The following MYO1D variants were observed in gnomAD, a reference collection of about 807,000 sequenced individuals.
The protein encoded by MYO1D is unconventional myosin-Id.
Under a neutral mutation model 122.0 loss-of-function variants are expected in MYO1D, and 83 were observed. The observed-to-expected ratio is 0.68, with a 90% CI of 0.57 to 0.82. The LOEUF is 0.82. Ranked by LOEUF, MYO1D falls within the 40% of genes least tolerant of loss-of-function variation. The pLI is 0.00. For synonymous variants in MYO1D, 464 were observed against 446.9 expected (o/e 1.04, Z -0.48); for missense variants, 1,157 against 1,269.5 (o/e 0.91, Z 1.35).
At chr17:32,720,146 A>G (rs963955394) in intron 15 of MYO1D, among the ~76,000 whole-genome samples, 4 of 152,146 alleles carry the variant, frequency 2.6e-5, no homozygotes, top group African/African-American at 9.7e-5. Context: ...ATTATAGAAA[A>G]TGTTCAATAA....
chr17:32,638,981 C>G, intron 19 of MYO1D, 146 bp from the exon 20 acceptor site: 1 of 564,610 alleles, frequency 1.8e-6, no homozygotes, highest in Non-Finnish European at 3.2e-6. Context: ...AGTAGCTGTT[C>G]CCATACTTGT....
rs370526370 is a variant in MYO1D, at chr17:32,494,816, G to A, written c.2964C>T (p.Pro988=). ...AGCGATTCTTGGTGAAGTCGGGCTG[G>A]GGCTGGTTGAGCCGCGTCTCCACGG... The part of the protein sequence containing the change: ...TVSVETRLNQ[P]QPDFTKNRSG... Residue 988 remains proline, a synonymous_variant, in exon 22 of 22, where the codon CCC becomes CCT. Coordinates refer to ENST00000318217, the MANE Select transcript of MYO1D (RefSeq NM_015194.3). The A allele has an allele frequency of 6.2e-7, 1 of 1,613,556 alleles. No homozygotes were observed. The highest frequency in any genetic ancestry group is 1.3e-5 in the African/African-American group (1 of 74,908).
chr17:32,671,151 A>AG (rs2088713864), intron 16 of MYO1D, among the ~76,000 whole-genome samples: 1 of 152,198 alleles, frequency 6.6e-6, no homozygotes, highest in African/African-American at 2.4e-5. Context: ...GCATATTGTA[A>AG]CACTCCCTTT....
intron 21 of MYO1D, among the ~76,000 whole-genome samples, chr17:32,560,660 C>T (rs914161206): frequency 6.7e-6 from 1 of 148,186 alleles, no homozygotes; most frequent in African/African-American, 2.5e-5. Context: ...TGCTCTGTCA[C>T]CCAGCCTGGA....
In MYO1D at chr17:32,876,660, G is replaced by T. The variant is rs1043632668; in HGVS notation, c.95+118C>A. 1.7e-5 allele frequency: 13 copies of T among 747,474 alleles called. No individual in the cohort carries two copies. In the Admixed American group the frequency reaches 2.5e-4, roughly 15 times the overall value. 46.3% of individuals were successfully genotyped at this position (747,474 alleles called of 1,614,324 possible). A position where few individuals can be genotyped will look rare whatever the true frequency, so the allele number is the denominator to read the frequency against. ...GACCCCCGGACACCGCAGCCCGGCC[G>T]CGCCTCCATCCCTGGAGCTTGGGCG... On this transcript the variant is annotated intron_variant, in intron 1 of 21. Coordinates refer to ENST00000318217, the MANE Select transcript of MYO1D (RefSeq NM_015194.3).
At chr17:32,503,938 G>A (rs1384509117) in intron 21 of MYO1D, among the ~76,000 whole-genome samples, 1 of 152,166 alleles carries the variant, frequency 6.6e-6, no homozygotes, top group African/African-American at 2.4e-5. Flanking sequence ...GGGTCGAATG[G>A]ACACTTTTAC....
intron 1 of MYO1D, among the ~76,000 whole-genome samples, chr17:32,788,001 G>A (rs1159378743): frequency 1.3e-5 from 2 of 152,122 alleles, no homozygotes; most frequent in Non-Finnish European, 2.9e-5. Context: ...ATTGGTTCAT[G>A]GGCATTTAGG....
At chr17:32,665,580 G>A (rs1266106896) in intron 16 of MYO1D, among the ~76,000 whole-genome samples, 1 of 152,188 alleles carries the variant, frequency 6.6e-6, no homozygotes, top group South Asian at 2.1e-4. Flanking sequence ...CTTTATGAAT[G>A]CAACATCTCA....
chr17:32,782,236 T>G (rs1441668910), intron 1 of MYO1D, among the ~76,000 whole-genome samples: 1 of 152,226 alleles, frequency 6.6e-6, no homozygotes, highest in Non-Finnish European at 1.5e-5. Context: ...TTAGAGTATT[T>G]TAACAGTTAT....
chr17:32,494,485 T>C lies in MYO1D; in HGVS notation c.*274A>G. 2.2e-6 allele frequency: 1 copy of C among 450,268 alleles called. No homozygotes were observed. The highest frequency in any genetic ancestry group is 4.1e-5 in the East Asian group (1 of 24,278). The allele number at this position is 450,268 out of a possible 1,614,324, so 27.9% of individuals were successfully genotyped here. A position where few individuals can be genotyped will look rare whatever the true frequency, so the allele number is the denominator to read the frequency against. On this transcript the variant is annotated 3_prime_UTR_variant, in exon 22 of 22. Transcript: ENST00000318217. ...CGCACCAACTAAAGGCACCATCCAG[T>C]TGCCTCTGGGGTGAGATTGGTCTGG...
chr17:32,742,016 A>G (rs1232102642), intron 13 of MYO1D, among the ~76,000 whole-genome samples: 3 of 148,660 alleles, frequency 2.0e-5, no homozygotes, highest in Non-Finnish European at 3.0e-5. Flanking sequence ...CTCCGTCTCA[A>G]AAAAAAAAAA....
intron 16 of MYO1D, among the ~76,000 whole-genome samples, chr17:32,681,045 G>A (rs539002611): frequency 1.3e-5 from 2 of 152,252 alleles, no homozygotes; most frequent in South Asian, 2.1e-4. Flanking sequence ...GTGTAGAGGT[G>A]TTTGTAGTAT....
chr17:32,662,571 G>GCTGAGGCAGGAGAATCGC (rs1210864018), intron 16 of MYO1D, among the ~76,000 whole-genome samples: 1 of 152,140 alleles, frequency 6.6e-6, no homozygotes, highest in Admixed American at 6.5e-5. Context: ...TACTCGTGAG[G>GCTGAGGCAGGAGAATCGC]CTGAGGCAGG....
intron 16 of MYO1D, among the ~76,000 whole-genome samples, chr17:32,707,188 A>G (rs1029921236): frequency 6.6e-6 from 1 of 152,204 alleles, no homozygotes; most frequent in Non-Finnish European, 1.5e-5. Context: ...ACAAATTCAT[A>G]GGAAAAGGAT....
At chr17:32,605,275 A>T in intron 20 of MYO1D, 34 bp from the exon 21 acceptor site, 1 of 1,523,952 alleles carries the variant, frequency 6.6e-7, no homozygotes, top group South Asian at 1.3e-5. Flanking sequence ...AACTATTTGG[A>T]TCATTCTCAA....
At chr17:32,708,327 G>GGTGGGGTT (rs1309724864) in intron 16 of MYO1D, among the ~76,000 whole-genome samples, 3 of 152,154 alleles carry the variant, frequency 2.0e-5, no homozygotes, top group Non-Finnish European at 4.4e-5. Flanking sequence ...TGTTAATGAT[G>GGTGGGGTT]TTACTTCTGG....
At chr17:32,513,546 C>G (rs1909771693) in intron 21 of MYO1D, among the ~76,000 whole-genome samples, 1 of 152,146 alleles carries the variant, frequency 6.6e-6, no homozygotes, top group African/African-American at 2.4e-5. Flanking sequence ...GGGCTCAGTG[C>G]TCTCTCTCCC....
At chr17:32,694,120 C>A (rs1378826373) in intron 16 of MYO1D, among the ~76,000 whole-genome samples, 1 of 152,204 alleles carries the variant, frequency 6.6e-6, no homozygotes. Flanking sequence ...AGTGTTTCAA[C>A]ATTTACTAAA....
intron 21 of MYO1D, among the ~76,000 whole-genome samples, chr17:32,517,411 C>CT (rs2150863683): frequency 6.6e-6 from 1 of 152,288 alleles, no homozygotes; most frequent in South Asian, 2.1e-4. Context: ...GAAATGGAAT[C>CT]TTTGGGTTTG....
Sources: allele counts gnomAD v4.1 joint callset (sites outside exome capture counted in the v4.1 genomes callset), GRCh38; gene constraint gnomAD v4.1.1; transcripts MANE v1.5; gene names NCBI Gene and HGNC (gene_info 2026-07-23, HGNC 2026-07-21).